Variants in ADAM10 observed in about 807,000 individuals in gnomAD.
ADAM10 encodes disintegrin and metalloproteinase domain-containing protein 10.
In ADAM10, 17 loss-of-function variants were observed where a neutral mutation model predicts 90.1. The observed-to-expected ratio is 0.19, with a 90% CI of 0.13 to 0.28. The LOEUF is 0.28. Among genes scored for constraint, ADAM10 ranks in the 10% least tolerant of loss-of-function variants. The pLI is 1.00. For missense variants in ADAM10, 610 were observed against 914.3 expected (o/e 0.67, Z 4.29); for synonymous variants, 310 against 298.6 (o/e 1.04, Z -0.40).
chr15:58,746,697 G>C (rs534091368), intron 1 of ADAM10, among the ~76,000 whole-genome samples: 2 of 152,148 alleles, frequency 1.3e-5, no homozygotes, highest in African/African-American at 4.8e-5. Context: ...GGTCGCTAGG[G>C]ACGAGGAGTT....
At chr15:58,689,814 C>T (rs1897723120) in intron 2 of ADAM10, among the ~76,000 whole-genome samples, 1 of 151,720 alleles carries the variant, frequency 6.6e-6, no homozygotes, top group Admixed American at 6.6e-5. Context: ...TGATTTAAGG[C>T]CTTTCCACAA....
At chr15:58,656,624 C>T (rs1016786960) in intron 5 of ADAM10, among the ~76,000 whole-genome samples, 1 of 152,068 alleles carries the variant, frequency 6.6e-6, no homozygotes, top group Non-Finnish European at 1.5e-5. Flanking sequence ...CTTTGTCCCC[C>T]TGCTTTTTAA....
At chr15:58,640,047 G>C (rs1896374307) in intron 8 of ADAM10, among the ~76,000 whole-genome samples, 1 of 152,052 alleles carries the variant, frequency 6.6e-6, no homozygotes, top group Non-Finnish European at 1.5e-5. Flanking sequence ...AATAAATTTG[G>C]ATTTCTAAAC....
At chr15:58,608,285 G>C (rs150592906) in intron 14 of ADAM10, among the ~76,000 whole-genome samples, 34 of 152,256 alleles carry the variant, frequency 2.2e-4, no homozygotes, top group Non-Finnish European at 3.7e-4. Context: ...GGAAAGTAGT[G>C]AAACTAACCC....
intron 1 of ADAM10, among the ~76,000 whole-genome samples, chr15:58,720,184 C>T (rs1595654325): frequency 6.6e-6 from 1 of 152,040 alleles, no homozygotes; most frequent in Non-Finnish European, 1.5e-5. Flanking sequence ...AAAATGCTTA[C>T]GAGCACAAAG....
chr15:58,679,664 G>A (rs987351868), intron 3 of ADAM10, among the ~76,000 whole-genome samples: 1 of 152,076 alleles, frequency 6.6e-6, no homozygotes, highest in Admixed American at 6.5e-5. Flanking sequence ...CAGCACTTTG[G>A]GGGGCCGAGG....
intron 2 of ADAM10, among the ~76,000 whole-genome samples, chr15:58,704,586 T>C (rs1898226274): frequency 6.6e-6 from 1 of 152,168 alleles, no homozygotes; most frequent in South Asian, 2.1e-4. Context: ...AATCACTGCA[T>C]TCCAAAAAGC....
chr15:58,639,443 G>T (rs910069476), intron 8 of ADAM10, among the ~76,000 whole-genome samples: 1 of 152,188 alleles, frequency 6.6e-6, no homozygotes, highest in African/African-American at 2.4e-5. Flanking sequence ...TGAATAGGGA[G>T]AAGAAATCAC....
chr15:58,653,526 G>T (rs1363289469), intron 5 of ADAM10, among the ~76,000 whole-genome samples: 1 of 152,112 alleles, frequency 6.6e-6, no homozygotes, highest in Non-Finnish European at 1.5e-5. Flanking sequence ...TGACTGATTT[G>T]CATACGTTGA....
intron 1 of ADAM10, among the ~76,000 whole-genome samples, chr15:58,746,843 G>A (rs1899807416): frequency 6.6e-6 from 1 of 152,158 alleles, no homozygotes; most frequent in Admixed American, 6.5e-5. Flanking sequence ...AAGAGTCAGA[G>A]ATCCTTAAGG....
intron 4 of ADAM10, among the ~76,000 whole-genome samples, chr15:58,666,992 T>C (rs991742920): frequency 2.6e-5 from 4 of 152,100 alleles, no homozygotes; most frequent in African/African-American, 7.2e-5. Flanking sequence ...AAATGGACAA[T>C]GACATTTTCC....
chr15:58,708,085 A>C (rs1038005321), intron 2 of ADAM10, among the ~76,000 whole-genome samples: 1 of 152,098 alleles, frequency 6.6e-6, no homozygotes, highest in Non-Finnish European at 1.5e-5. Context: ...TCAAAAAAAA[A>C]CAAAAACAAA....
Position 58,749,694 on chromosome 15 carries a change from C to A in ADAM10, c.-160G>T. ...GAAGCACCTCCCTCTCGCTCCACTTCAGGGGCCGGCAACGCTCCTAGCTCC... is the reference window on the plus strand; with the variant it reads ...GAAGCACCTCCCTCTCGCTCCACTTAAGGGGCCGGCAACGCTCCTAGCTCC... On this transcript the variant is annotated 5_prime_UTR_variant, in exon 1 of 16. Coordinates refer to ENST00000260408, the MANE Select transcript of ADAM10 (RefSeq NM_001110.4). The A allele has an allele frequency of 2.1e-6, 3 of 1,432,112 alleles. No homozygotes were observed. The highest frequency in any genetic ancestry group is 2.8e-6 in the Non-Finnish European group (3 of 1,081,400). 88.7% of individuals were successfully genotyped at this position (1,432,112 alleles called of 1,614,324 possible).
intron 15 of ADAM10, among the ~76,000 whole-genome samples, chr15:58,598,174 A>C (rs1292903128): frequency 6.6e-6 from 1 of 152,258 alleles, no homozygotes; most frequent in Admixed American, 6.5e-5. Context: ...AAGATTATAT[A>C]ATTCATATAA....
intron 8 of ADAM10, among the ~76,000 whole-genome samples, chr15:58,638,300 T>C (rs1896322503): frequency 6.6e-6 from 1 of 152,186 alleles, no homozygotes; most frequent in African/African-American, 2.4e-5. Flanking sequence ...TCTATTCTGG[T>C]TGCCAATCAC....
chr15:58,697,808 G>A (rs1376960821), intron 2 of ADAM10, among the ~76,000 whole-genome samples: 3 of 152,178 alleles, frequency 2.0e-5, no homozygotes, highest in African/African-American at 7.2e-5. Context: ...TTGCCCTAAG[G>A]CCCAAGGACA....
chr15:58,652,595 C>T (rs8043275), intron 5 of ADAM10, among the ~76,000 whole-genome samples: 8,164 of 152,110 alleles, frequency 0.054, 735 homozygotes, highest in African/African-American at 0.18. Flanking sequence ...CATGGGTCTA[C>T]GTGTCTGTTT....
At chr15:58,695,756 T>C (rs1897959928) in intron 2 of ADAM10, among the ~76,000 whole-genome samples, 2 of 151,972 alleles carry the variant, frequency 1.3e-5, no homozygotes, top group Non-Finnish European at 1.5e-5. Context: ...CTGAGGCGGA[T>C]AGATATTTGA....
At chr15:58,650,958 T>C (rs1282605542) in intron 5 of ADAM10, among the ~76,000 whole-genome samples, 1 of 152,092 alleles carries the variant, frequency 6.6e-6, no homozygotes, top group Non-Finnish European at 1.5e-5. Context: ...TTAATATTCA[T>C]ATAGTGAAAT....
Sources: allele counts gnomAD v4.1 joint callset (sites outside exome capture counted in the v4.1 genomes callset), GRCh38; gene constraint gnomAD v4.1.1; transcripts MANE v1.5; gene names NCBI Gene and HGNC (gene_info 2026-07-23, HGNC 2026-07-21).